PRDM6: variants seen among roughly 807,000 people sequenced by gnomAD.
PRDM6 encodes the protein PR/SET domain 6.
A neutral mutation model predicts 60.8 loss-of-function variants in PRDM6; 25 were observed. The observed-to-expected ratio is 0.41, with a 90% CI of 0.30 to 0.57. PRDM6 has a LOEUF of 0.57. Among genes scored for constraint, PRDM6 ranks in the 20% least tolerant of loss-of-function variants. PRDM6 has a pLI of 0.27. For missense variants in PRDM6, 839 were observed against 821.3 expected, an observed-to-expected ratio of 1.02 and a Z score of -0.26; for synonymous variants, 407 against 357.4, an observed-to-expected ratio of 1.14 and a Z score of -1.57.
intron 3 of PRDM6, among the ~76,000 whole-genome samples, chr5:123,145,918 T>C (rs1336531481): frequency 2.0e-5 from 3 of 152,154 alleles, no homozygotes; most frequent in Non-Finnish European, 4.4e-5. Flanking sequence ...AGTAAAACCA[T>C]AGGAAACCAT....
Position 123,090,299 on chromosome 5 carries a change from C to T in PRDM6, c.285C>T (p.Ser95=). 1 of 1,487,706 alleles carries T rather than the reference C, an allele frequency of 6.7e-7. No individual in the cohort carries two copies. 92.2% of individuals were successfully genotyped at this position (1,487,706 alleles called of 1,614,324 possible). A position where few individuals can be genotyped will look rare whatever the true frequency, so the allele number is the denominator to read the frequency against. ...CCACCTCCGCCTCCTCCGCCTCCTC[C>T]TGCGCTGCTGCGGCCGCTGCCGCCG... The part of the protein sequence containing the change: ...SSSTSASSAS[S]CAAAAAAAAL... Residue 95 remains serine (S), a synonymous_variant, in exon 2 of 8, where the codon TCC becomes TCT. Coordinates refer to ENST00000407847, the MANE Select transcript of PRDM6 (RefSeq NM_001136239.4).
At chr5:123,120,796 A>G (rs956203163) in intron 3 of PRDM6, among the ~76,000 whole-genome samples, 2 of 152,334 alleles carry the variant, frequency 1.3e-5, no homozygotes, top group East Asian at 3.9e-4. Context: ...CTTACTGTTA[A>G]ACCCTTAGCA....
At chr5:123,142,997 G>A (rs1000918481) in intron 3 of PRDM6, among the ~76,000 whole-genome samples, 3 of 151,154 alleles carry the variant, frequency 2.0e-5, no homozygotes, top group Non-Finnish European at 4.4e-5. Context: ...TTCAGAGACC[G>A]AAGAAACCCA....
At chr5:123,181,018 C>T (rs1174278899) in intron 7 of PRDM6, among the ~76,000 whole-genome samples, 2 of 152,220 alleles carry the variant, frequency 1.3e-5, no homozygotes, top group African/African-American at 4.8e-5. Flanking sequence ...TGTGTTTCTA[C>T]ACATGGCACA....
Position 123,187,592 on chromosome 5 carries a change from T to A in PRDM6, c.*391T>A, listed in dbSNP as rs1766317606. On this transcript the variant is annotated 3_prime_UTR_variant, in exon 8 of 8. Transcript: ENST00000407847. Reference sequence around the variant, plus strand: ...ACAGGGACTTGGTTCTCGTTGCACCTTTTTTTAGTAACATGTTTCATGGGG... The same window carrying A: ...ACAGGGACTTGGTTCTCGTTGCACCATTTTTTAGTAACATGTTTCATGGGG... 5.3e-6 allele frequency: 1 copy of A among 189,348 alleles called. No homozygotes were observed. Among genetic ancestry groups the A allele is most frequent in the Middle Eastern group, 2.2e-3 (1 of 456 alleles). The allele number at this position is 189,348 out of a possible 1,614,324, so 11.7% of individuals were successfully genotyped here. A position where few individuals can be genotyped will look rare whatever the true frequency, so the allele number is the denominator to read the frequency against.
intron 3 of PRDM6, among the ~76,000 whole-genome samples, chr5:123,118,966 T>C (rs1764518184): frequency 6.6e-6 from 1 of 152,168 alleles, no homozygotes; most frequent in African/African-American, 2.4e-5. Flanking sequence ...TTGGCTCTTA[T>C]GCATCCTTCC....
chr5:123,121,891 C>A (rs879173862), intron 3 of PRDM6, among the ~76,000 whole-genome samples: 2 of 145,496 alleles, frequency 1.4e-5, no homozygotes, highest in African/African-American at 5.1e-5. Context: ...AGGCTGGGTG[C>A]GGTGGCTCAT....
chr5:123,149,931 C>G (rs1765336837), intron 3 of PRDM6, among the ~76,000 whole-genome samples: 1 of 151,992 alleles, frequency 6.6e-6, no homozygotes, highest in Non-Finnish European at 1.5e-5. Flanking sequence ...CACTCCTGCC[C>G]TCAGTGAGTT....
chr5:123,099,880 G>C lies in PRDM6; in HGVS notation c.819G>C (p.Trp273Cys). 1 of 1,550,028 alleles carries C rather than the reference G, an allele frequency of 6.5e-7. No homozygotes were observed. The highest frequency in any genetic ancestry group is 8.7e-7 in the Non-Finnish European group (1 of 1,146,524). ...CAAQRIQQGT[W>C]IGPFQGVLLP... ...CGCAGAGGATCCAGCAAGGCACCTG[G>C]ATTGGACCTTTCCAAGGCGTGCTTC... Residue 273 changes from tryptophan (W) to cysteine (C), a missense_variant, in exon 3 of 8, where the codon TGG (tryptophan) becomes TGC (cysteine). Trp to Cys is a radical substitution (Grantham distance 215). Transcript: ENST00000407847. The surrounding 1 kb of genome is among the most constrained non-coding windows in gnomAD (Gnocchi z 4.0).
At chr5:123,137,805 A>G (rs1764999423) in intron 3 of PRDM6, among the ~76,000 whole-genome samples, 1 of 152,122 alleles carries the variant, frequency 6.6e-6, no homozygotes, top group East Asian at 1.9e-4. Context: ...AGAAAAAAAT[A>G]ATTTTAGGTG....
chr5:123,092,763 A>G (rs1008917951), intron 2 of PRDM6, among the ~76,000 whole-genome samples: 2 of 152,206 alleles, frequency 1.3e-5, no homozygotes, highest in Non-Finnish European at 2.9e-5. Context: ...CAATTGAGAA[A>G]GAAAATAGAA....
At chr5:123,127,768 T>C (rs1764727644) in intron 3 of PRDM6, among the ~76,000 whole-genome samples, 1 of 151,912 alleles carries the variant, frequency 6.6e-6, no homozygotes, top group Non-Finnish European at 1.5e-5. Context: ...CCTTTCTTTC[T>C]TTCTTTCTTT....
intron 2 of PRDM6, among the ~76,000 whole-genome samples, chr5:123,098,308 T>G (rs1764005970): frequency 1.3e-5 from 2 of 152,208 alleles, no homozygotes; most frequent in Non-Finnish European, 2.9e-5. Context: ...GGTGTCAGGC[T>G]CAGTGCCATA....
chr5:123,113,510 A>T (rs943596512), intron 3 of PRDM6, among the ~76,000 whole-genome samples: 1 of 152,222 alleles, frequency 6.6e-6, no homozygotes, highest in African/African-American at 2.4e-5. Context: ...GCCTTGTTAG[A>T]TGTAGGCACT....
chr5:123,112,191 C>A (rs1561816491), intron 3 of PRDM6, among the ~76,000 whole-genome samples: 1 of 151,336 alleles, frequency 6.6e-6, no homozygotes, highest in Non-Finnish European at 1.5e-5. Context: ...AGGTGTTTGG[C>A]AGTGTACAAA....
At chr5:123,180,467 C>A in intron 7 of PRDM6, 144 bp downstream of exon 7, 2 of 866,182 alleles carry the variant, frequency 2.3e-6, no homozygotes, top group Non-Finnish European at 3.4e-6. Context: ...CGAATCTCTC[C>A]TTGTTTAGTG....
intron 3 of PRDM6, among the ~76,000 whole-genome samples, chr5:123,117,802 A>G (rs1442206417): frequency 2.6e-5 from 4 of 152,254 alleles, no homozygotes; most frequent in African/African-American, 4.8e-5. Flanking sequence ...TGCAGTGACT[A>G]TCATACCAAG....
intron 3 of PRDM6, among the ~76,000 whole-genome samples, chr5:123,124,332 T>C (rs539057611): frequency 2.0e-5 from 3 of 152,346 alleles, no homozygotes; most frequent in African/African-American, 7.2e-5. Context: ...GTAGAATGAA[T>C]GTTGCCAAAT....
At chr5:123,107,399 G>A (rs1467138720) in intron 3 of PRDM6, among the ~76,000 whole-genome samples, 1 of 152,162 alleles carries the variant, frequency 6.6e-6, no homozygotes, top group Non-Finnish European at 1.5e-5. Flanking sequence ...TCAAAATGCT[G>A]CAGGTTTTCC....
Sources: gnomAD v4.1 joint callset for allele counts (sites outside exome capture counted in the v4.1 genomes callset) on GRCh38, gnomAD v4.1.1 for gene constraint, Gnocchi (gnomAD v3.1) non-coding constraint, MANE v1.5 for transcripts, NCBI Gene and HGNC (gene_info 2026-07-23, HGNC 2026-07-21) for gene names.